The following COL25A1 variants were observed in gnomAD, a reference collection of about 807,000 sequenced individuals.
The protein encoded by COL25A1 is collagen type XXV alpha 1 chain, also known as collagen alpha-1(XXV) chain.
In COL25A1, 103 loss-of-function variants were observed where a neutral mutation model predicts 128.4. That is an observed-to-expected ratio of 0.80 (90% CI 0.68 to 0.94). The LOEUF is 0.94. Among genes scored for constraint, COL25A1 ranks in the 40% least tolerant of loss-of-function variants. COL25A1 has a pLI of 0.00. For synonymous variants in COL25A1, 279 were observed against 277.2 expected (o/e 1.01, Z -0.06); for missense variants, 745 against 840.0 (o/e 0.89, Z 1.40).
At chr4:108,990,292 AAT>A (rs1270047886) in intron 6 of COL25A1, among the ~76,000 whole-genome samples, 10 of 139,636 alleles carry the variant, frequency 7.2e-5, no homozygotes, top group African/African-American at 2.6e-4. Flanking sequence ...AATCGATAAA[AAT>A]ATATATGTGA....
At chr4:108,937,000 A>G (rs1370925555) in intron 11 of COL25A1, among the ~76,000 whole-genome samples, 1 of 151,986 alleles carries the variant, frequency 6.6e-6, no homozygotes, top group Non-Finnish European at 1.5e-5. Context: ...TGCAGGATGG[A>G]AAGTGTCAAG....
intron 31 of COL25A1, among the ~76,000 whole-genome samples, chr4:108,835,679 C>T (rs1378784246): frequency 3.3e-5 from 5 of 151,900 alleles, no homozygotes; most frequent in Admixed American, 3.3e-4. Flanking sequence ...CTCAGCCTCC[C>T]GAGTAGCTGG....
rs571228437 is a variant in COL25A1, at chr4:109,043,795, C to T, written c.420+4373G>A. Among the ~76,000 whole-genome samples, 4 of 152,184 alleles carry T rather than the reference C, an allele frequency of 2.6e-5. No individual in the cohort carries two copies. In the South Asian group the frequency reaches 8.3e-4, roughly 32 times the overall value. On this transcript the variant is annotated intron_variant, in intron 5 of 37. Coordinates refer to ENST00000399132, the MANE Select transcript of COL25A1 (RefSeq NM_198721.4). ...ATTTTGTAAATTTTGATCAAACTCT[C>T]TCTGCTTCCTATTAAAGTGCAAACT...
At chr4:109,086,658 G>A (rs767396237) in intron 3 of COL25A1, among the ~76,000 whole-genome samples, 6 of 152,122 alleles carry the variant, frequency 3.9e-5, no homozygotes, top group African/African-American at 1.2e-4. Flanking sequence ...AGCAATCAGT[G>A]TTATGCCCTG....
chr4:108,812,928 A>G lies in COL25A1; in HGVS notation c.*999T>C, dbSNP rs1278337025. ...CAGGGACAGGATCTCCCATTCCAAG[A>G]ATCTCCTATTCCAAAAGAAGTGCTG... On this transcript the variant is annotated 3_prime_UTR_variant, in exon 38 of 38. Transcript: ENST00000399132. 6.6e-6 allele frequency: 1 copy of G among 152,210 alleles called. No homozygotes were observed. The highest frequency in any genetic ancestry group is 1.9e-4 in the East Asian group (1 of 5,200). 9.4% of individuals were successfully genotyped at this position (152,210 alleles called of 1,614,324 possible). A position where few individuals can be genotyped will look rare whatever the true frequency, so the allele number is the denominator to read the frequency against.
intron 31 of COL25A1, among the ~76,000 whole-genome samples, chr4:108,835,527 T>C (rs1367321933): frequency 6.6e-6 from 1 of 152,136 alleles, no homozygotes; most frequent in Non-Finnish European, 1.5e-5. Context: ...GTATAATCCA[T>C]GAGCCATACT....
intron 13 of COL25A1, among the ~76,000 whole-genome samples, chr4:108,910,766 C>T (rs1744109994): frequency 6.6e-6 from 1 of 152,284 alleles, no homozygotes; most frequent in East Asian, 1.9e-4. Flanking sequence ...CATAGAATTG[C>T]TATAAGGACT....
chr4:108,929,679 C>T (rs1310773574), intron 11 of COL25A1, among the ~76,000 whole-genome samples: 2 of 151,936 alleles, frequency 1.3e-5, no homozygotes, highest in Non-Finnish European at 2.9e-5. Flanking sequence ...AAAATTAAAA[C>T]ATCTGGGTAT....
intron 15 of COL25A1, 118 bp downstream of exon 15, chr4:108,899,036 T>C: frequency 1.2e-6 from 1 of 841,166 alleles, no homozygotes. Flanking sequence ...CCTATTAATC[T>C]ACCCACCCAC....
chr4:109,242,586 G>A (rs879773752), intron 3 of COL25A1, among the ~76,000 whole-genome samples: 2 of 151,976 alleles, frequency 1.3e-5, no homozygotes, highest in Non-Finnish European at 2.9e-5. Context: ...ATTCTTCCCT[G>A]TTCCTTAAAA....
intron 3 of COL25A1, among the ~76,000 whole-genome samples, chr4:109,181,602 T>C (rs13120439): frequency 0.5 from 75,516 of 151,798 alleles, 21,546 homozygotes; most frequent in Non-Finnish European, 0.65. Flanking sequence ...ATTATGCAAA[T>C]GTTTTGATGT....
chr4:108,961,230 T>C (rs1478437749), intron 8 of COL25A1, among the ~76,000 whole-genome samples: 2 of 152,152 alleles, frequency 1.3e-5, no homozygotes, highest in African/African-American at 2.4e-5. Flanking sequence ...CTCTGCTTCA[T>C]AAAGACATTA....
chr4:109,166,394 A>G (rs1014146212), intron 3 of COL25A1, among the ~76,000 whole-genome samples: 30 of 152,068 alleles, frequency 2.0e-4, no homozygotes, highest in African/African-American at 7.0e-4. Flanking sequence ...TCCTTCTTTT[A>G]TGTCCTCAAC....
chr4:109,248,347 G>A (rs993206646), intron 3 of COL25A1, among the ~76,000 whole-genome samples: 2 of 152,056 alleles, frequency 1.3e-5, no homozygotes, highest in African/African-American at 4.8e-5. Flanking sequence ...ACTAACAAGT[G>A]TGTCCAGAAT....
intron 13 of COL25A1, among the ~76,000 whole-genome samples, chr4:108,916,250 C>T (rs1004159360): frequency 6.6e-6 from 1 of 152,144 alleles, no homozygotes; most frequent in East Asian, 1.9e-4. Flanking sequence ...CATTTCGTTT[C>T]CCTGGGTTTT....
At chr4:109,076,231 T>A (rs1180116336) in intron 3 of COL25A1, among the ~76,000 whole-genome samples, 1 of 152,138 alleles carries the variant, frequency 6.6e-6, no homozygotes, top group Non-Finnish European at 1.5e-5. Flanking sequence ...ATATCTACAC[T>A]CATCAGAATT....
At chr4:109,197,943 G>T (rs1431780697) in intron 3 of COL25A1, among the ~76,000 whole-genome samples, 1 of 152,032 alleles carries the variant, frequency 6.6e-6, no homozygotes, top group Non-Finnish European at 1.5e-5. Context: ...TTACTATGTT[G>T]TCAATATTAC....
chr4:109,204,112 A>G (rs1358067710), intron 3 of COL25A1, among the ~76,000 whole-genome samples: 2 of 152,198 alleles, frequency 1.3e-5, no homozygotes, highest in African/African-American at 4.8e-5. Context: ...CAGCAGCTAA[A>G]TGATTTCAAG....
chr4:109,274,828 G>A (rs1420569046), intron 3 of COL25A1, among the ~76,000 whole-genome samples: 1 of 152,096 alleles, frequency 6.6e-6, no homozygotes, highest in Non-Finnish European at 1.5e-5. Flanking sequence ...AATTGTCTAG[G>A]AATATTACAC....
Sources: allele counts gnomAD v4.1 joint callset (sites outside exome capture counted in the v4.1 genomes callset), GRCh38; gene constraint gnomAD v4.1.1; transcripts MANE v1.5; gene names NCBI Gene and HGNC (gene_info 2026-07-23, HGNC 2026-07-21).